Variants in ZNF679 observed in about 807,000 individuals in gnomAD.
ZNF679 encodes hypothetical protein MGC42415.
ZNF679 carries 10 observed loss-of-function variants against 13.4 expected under a neutral mutation model. That is an observed-to-expected ratio of 0.75 (90% CI 0.46 to 1.27). The LOEUF is 1.27. Among genes scored for constraint, ZNF679 ranks in the 50% most tolerant of loss-of-function variants. The pLI, the probability that ZNF679 is intolerant of heterozygous loss-of-function variation, is 0.00. For missense variants in ZNF679, 525 were observed against 477.8 expected (o/e 1.10, Z -0.92); for synonymous variants, 179 against 162.5 (o/e 1.10, Z -0.77).
chr7:64,266,528 G>A lies in ZNF679; in HGVS notation c.895G>A (p.Glu299Lys). 4 of 1,612,236 alleles carry A rather than the reference G, an allele frequency of 2.5e-6. No individual in the cohort carries two copies. The South Asian group carries it at 3.3e-5, about 13-fold the overall frequency. Residue 299 changes from glutamate to lysine, a missense_variant, in exon 5 of 5, where the codon GAA (glutamate) becomes AAA (lysine). Coordinates refer to ENST00000421025, the MANE Select transcript of ZNF679 (RefSeq NM_153363.3). ...TACTGGAGAGAAACCATACACATGT[G>A]AAGAATGTGGCAAAGCCTTTAGCTT... is the stretch of plus-strand genomic sequence containing the variant. The part of the protein sequence containing the change: ...IHTGEKPYTC[E>K]ECGKAFSLSS...
chr7:64,239,119 C>A (rs1787762062), intron 1 of ZNF679, among the ~76,000 whole-genome samples: 1 of 152,180 alleles, frequency 6.6e-6, no homozygotes, highest in African/African-American at 2.4e-5. Flanking sequence ...GTAATTGTCA[C>A]ATGCCCATGT....
intron 1 of ZNF679, among the ~76,000 whole-genome samples, chr7:64,239,273 C>A (rs545083185): frequency 3.3e-5 from 5 of 152,282 alleles, no homozygotes; most frequent in African/African-American, 1.2e-4. Flanking sequence ...GGTTGTGACA[C>A]CCCTACTGGG....
chr7:64,263,043 T>G (rs1022310485), intron 4 of ZNF679, among the ~76,000 whole-genome samples: 3 of 130,394 alleles, frequency 2.3e-5, no homozygotes, highest in Non-Finnish European at 5.2e-5. Context: ...TTTTTCTTTT[T>G]AGTTTTATCA....
intron 1 of ZNF679, 72 bp from the exon 2 acceptor site, chr7:64,248,956 A>C: frequency 1.9e-6 from 2 of 1,031,422 alleles, no homozygotes; most frequent in South Asian, 3.1e-5. Flanking sequence ...AAACTGTACA[A>C]TCAGGCATGC....
intron 1 of ZNF679, among the ~76,000 whole-genome samples, chr7:64,248,097 G>C (rs1222786464): frequency 2.6e-5 from 4 of 151,962 alleles, no homozygotes; most frequent in Admixed American, 2.6e-4. Flanking sequence ...TCATGACCAT[G>C]ACAGAAGGTG....
Position 64,266,070 on chromosome 7 carries a change from A to C in ZNF679, c.437A>C (p.Gln146Pro), listed in dbSNP as rs1344394919. The C allele has an allele frequency of 1.9e-6, 3 of 1,613,248 alleles. No individual in the cohort carries two copies. The highest frequency in any genetic ancestry group is 2.5e-6 in the Non-Finnish European group (3 of 1,179,648). ...VQKGGCNEVN[Q>P]CLSTTQNKIF... ...AAAGGAGGTTGTAATGAAGTTAACC[A>C]ATGTTTGTCAACTACCCAAAACAAA... Residue 146 changes from glutamine (Q) to proline (P), a missense_variant, in exon 5 of 5, where the codon CAA becomes CCA. Coordinates refer to ENST00000421025, the MANE Select transcript of ZNF679 (RefSeq NM_153363.3).
In ZNF679 at chr7:64,260,308, G is replaced by T; in HGVS notation, c.127G>T (p.Asp43Tyr). ...TCACGCTCAGCAGAATTTATATAGAGATGTGATGTTAGAGAACTACAGAAA... is the reference window on the plus strand; with the variant it reads ...TCACGCTCAGCAGAATTTATATAGATATGTGATGTTAGAGAACTACAGAAA... ...LDHAQQNLYR[D>Y]VMLENYRNLV... Residue 43 changes from aspartate (D) to tyrosine (Y), a missense_variant, in exon 3 of 5, where the codon GAT becomes TAT. Transcript: ENST00000421025. 1 of 1,612,826 alleles carries T rather than the reference G, an allele frequency of 6.2e-7. No homozygotes were observed. The highest frequency in any genetic ancestry group is 8.5e-7 in the Non-Finnish European group (1 of 1,179,610).
intron 2 of ZNF679, among the ~76,000 whole-genome samples, chr7:64,259,006 G>T (rs532413006): frequency 6.6e-6 from 1 of 152,142 alleles, no homozygotes; most frequent in East Asian, 1.9e-4. Flanking sequence ...CCGCCTTGTG[G>T]GTTCAAGCGA....
chr7:64,260,087 T>G, intron 2 of ZNF679, 134 bp from the exon 3 acceptor site: 2 of 662,086 alleles, frequency 3.0e-6, no homozygotes, highest in Non-Finnish European at 4.8e-6. Context: ...TTGAATAATT[T>G]TAGTCACTCT....
intron 1 of ZNF679, among the ~76,000 whole-genome samples, chr7:64,237,001 A>AAGAAAAAG (rs149813028): frequency 1.6e-3 from 124 of 77,760 alleles, no homozygotes; most frequent in Non-Finnish European, 2.2e-3. Flanking sequence ...GAAAGAAAGA[A>AAGAAAAAG]AAAGAAAGAA....
At chr7:64,230,876 C>T (rs979846807) in intron 1 of ZNF679, among the ~76,000 whole-genome samples, 1 of 152,204 alleles carries the variant, frequency 6.6e-6, no homozygotes, top group African/African-American at 2.4e-5. Context: ...AACAGCCTCA[C>T]ACGTGTGCTG....
chr7:64,252,748 C>T (rs1189778819), intron 2 of ZNF679, among the ~76,000 whole-genome samples: 3 of 152,188 alleles, frequency 2.0e-5, no homozygotes, highest in East Asian at 3.8e-4. Flanking sequence ...GACGGAGTCT[C>T]ACTCTGTTGC....
intron 2 of ZNF679, among the ~76,000 whole-genome samples, chr7:64,253,824 C>A (rs1328707541): frequency 1.3e-5 from 2 of 152,078 alleles, no homozygotes; most frequent in East Asian, 3.9e-4. Flanking sequence ...TAAGGAAAGA[C>A]AGAAAATGGG....
chr7:64,260,896 A>G lies in ZNF679; in HGVS notation c.229A>G (p.Ile77Val), dbSNP rs534131210. The change falls in exon 4 of 5, where the codon ATA (isoleucine) becomes GTA (valine). Residue 77 changes from isoleucine to valine, a missense_variant. Transcript: ENST00000421025. Reference protein sequence around the residue: ...CLEQNKEPWNIKRNEMVTKHP... With the variant: ...CLEQNKEPWNVKRNEMVTKHP... Reference sequence around the variant, plus strand: ...GGAGCAAAATAAAGAGCCTTGGAATATAAAGAGAAATGAGATGGTAACCAA... The same window carrying G: ...GGAGCAAAATAAAGAGCCTTGGAATGTAAAGAGAAATGAGATGGTAACCAA... 87 of 1,612,610 alleles carry G rather than the reference A, an allele frequency of 5.4e-5. No individual in the cohort carries two copies. The South Asian group carries it at 8.6e-4, about 16-fold the overall frequency.
At chr7:64,233,092 T>C (rs1158485983) in intron 1 of ZNF679, among the ~76,000 whole-genome samples, 2 of 151,872 alleles carry the variant, frequency 1.3e-5, no homozygotes, top group East Asian at 3.9e-4. Context: ...AATACAAAAA[T>C]TAGCTGGGAG....
In ZNF679 at chr7:64,250,785, C is replaced by T. The variant is rs188756881; in HGVS notation, c.39+1629C>T. ...TGTATTTTTAGTAGAGATGGGGTTT[C>T]GCCATGTTGGCCAGGCTGGTCTCGA... On this transcript the variant is annotated intron_variant, in intron 2 of 4. Transcript: ENST00000421025. 1.5e-3 allele frequency among the ~76,000 whole-genome samples: 228 copies of T among 150,506 alleles called. 1 individual carries two copies. The highest frequency in any genetic ancestry group is 4.8e-3 in the African/African-American group (195 of 40,966).
intron 1 of ZNF679, among the ~76,000 whole-genome samples, chr7:64,236,987 G>GAA (rs1562840411): frequency 2.2e-3 from 117 of 54,392 alleles, no homozygotes; most frequent in Admixed American, 4.2e-3. Flanking sequence ...AAGAAAGAAA[G>GAA]AAAGAAAGAA....
chr7:64,243,010 G>A (rs1369501298), intron 1 of ZNF679, among the ~76,000 whole-genome samples: 1 of 152,164 alleles, frequency 6.6e-6, no homozygotes, highest in East Asian at 1.9e-4. Flanking sequence ...TTTTGTCAAT[G>A]TGTGAGGGAG....
chr7:64,235,787 C>CAAGAAAGA (rs71060565), intron 1 of ZNF679, among the ~76,000 whole-genome samples: 7,836 of 142,878 alleles, frequency 0.055, 270 homozygotes, highest in Non-Finnish European at 0.081. Flanking sequence ...GAAACCCCGT[C>CAAGAAAGA]AAGAAAGAAA....
Sources: gnomAD v4.1 joint callset for allele counts (sites outside exome capture counted in the v4.1 genomes callset) on GRCh38, gnomAD v4.1.1 for gene constraint, MANE v1.5 for transcripts, NCBI Gene and HGNC (gene_info 2026-07-23, HGNC 2026-07-21) for gene names.